MYPN: variants seen among roughly 807,000 people sequenced by gnomAD.
The protein encoded by MYPN is sarcomeric protein myopalladin, 145 kDa (MYOP).
MYPN carries 63 observed loss-of-function variants against 129.4 expected under a neutral mutation model. The observed-to-expected ratio is 0.49, with a 90% CI of 0.40 to 0.60. The LOEUF (loss-of-function observed/expected upper bound fraction) is 0.60. MYPN is among the 20% of genes least tolerant of loss of function. The pLI, the probability that MYPN is intolerant of heterozygous loss-of-function variation, is 0.00. For synonymous variants in MYPN, 629 were observed against 600.9 expected, an observed-to-expected ratio of 1.05 and a Z score of -0.68; for missense variants, 1,596 against 1,635.4, an observed-to-expected ratio of 0.98 and a Z score of 0.42.
At chr10:68,130,810 A>G in intron 2 of MYPN, among the ~76,000 whole-genome samples, 1 of 152,132 alleles carries the variant, frequency 6.6e-6, no homozygotes, top group Middle Eastern at 3.2e-3. Flanking sequence ...TTTTGTGTAT[A>G]ATGTAAAGCC....
At chr10:68,208,330 G>T (rs1039234198) in intron 19 of MYPN, among the ~76,000 whole-genome samples, 1 of 152,044 alleles carries the variant, frequency 6.6e-6, no homozygotes, top group African/African-American at 2.4e-5. Flanking sequence ...CATACAGGAG[G>T]GGCTTCAGCC....
intron 5 of MYPN, 140 bp from the exon 6 acceptor site, chr10:68,149,899 CT>C (rs1189623718): frequency 1.3e-6 from 1 of 755,682 alleles, no homozygotes; most frequent in Non-Finnish European, 2.3e-6. Flanking sequence ...AATTTGAAGT[CT>C]GTGATTCATA....
chr10:68,110,253 TTC>T (rs140449918), intron 1 of MYPN, among the ~76,000 whole-genome samples: 25 of 147,608 alleles, frequency 1.7e-4, no homozygotes, highest in Middle Eastern at 3.6e-3. Context: ...TCTTTCTCCT[TTC>T]TCTCTCTCTC....
intron 2 of MYPN, among the ~76,000 whole-genome samples, chr10:68,137,052 G>A (rs944423500): frequency 6.6e-6 from 1 of 151,942 alleles, no homozygotes; most frequent in Non-Finnish European, 1.5e-5. Context: ...AATCATATTA[G>A]AATTTAAAAC....
intron 16 of MYPN, 128 bp downstream of exon 16, chr10:68,197,606 A>G: frequency 8.5e-7 from 1 of 1,180,356 alleles, no homozygotes; most frequent in Non-Finnish European, 1.2e-6. Context: ...AGGGAGACAG[A>G]TCACTTTTTT....
At chr10:68,119,955 G>C (rs2042218777) in intron 1 of MYPN, among the ~76,000 whole-genome samples, 1 of 152,194 alleles carries the variant, frequency 6.6e-6, no homozygotes, top group Non-Finnish European at 1.5e-5. Flanking sequence ...AGCCTTTCGT[G>C]TGATATAAGT....
chr10:68,087,899 C>G (rs117524340), exon 1 of MYPN, among the ~76,000 whole-genome samples: 69 of 152,296 alleles, frequency 4.5e-4, no homozygotes, highest in Middle Eastern at 3.4e-3. Context: ...ACCACGGCAG[C>G]CTTTCCTGCC....
At chr10:68,178,230 G>A (rs4745948) in intron 12 of MYPN, among the ~76,000 whole-genome samples, 63,086 of 151,922 alleles carry the variant, frequency 0.42, 13,820 homozygotes, top group Non-Finnish European at 0.49. Flanking sequence ...AAAATTTTTA[G>A]CTTTCTAAAC....
intron 2 of MYPN, among the ~76,000 whole-genome samples, chr10:68,124,392 CTG>C (rs1391916780): frequency 6.6e-6 from 1 of 152,142 alleles, no homozygotes; most frequent in Non-Finnish European, 1.5e-5. Flanking sequence ...CATTTATTCT[CTG>C]TATGTAAATA....
chr10:68,184,972 T>C (rs1272525470), intron 12 of MYPN, among the ~76,000 whole-genome samples: 2 of 152,158 alleles, frequency 1.3e-5, no homozygotes, highest in Non-Finnish European at 2.9e-5. Flanking sequence ...CCATTCCTGT[T>C]AACCATTTAA....
intron 4 of MYPN, among the ~76,000 whole-genome samples, chr10:68,147,922 T>A (rs561220581): frequency 6.6e-6 from 1 of 152,288 alleles, no homozygotes; most frequent in East Asian, 1.9e-4. Context: ...GAGGTTAAGT[T>A]TTATATATGA....
chr10:68,126,355 A>T (rs547786099), intron 2 of MYPN, among the ~76,000 whole-genome samples: 1 of 152,204 alleles, frequency 6.6e-6, no homozygotes, highest in South Asian at 2.1e-4. Context: ...AGAACCTTGA[A>T]AGCAAAGCAG....
rs1300690085 is a variant in MYPN at position 68,188,052 on chromosome 10, G to GT, written c.2704-853_2704-852insT. On this transcript the variant is annotated intron_variant, in intron 12 of 19. Coordinates refer to ENST00000358913, the MANE Select transcript of MYPN (RefSeq NM_032578.4). ...GGATTATTTCACATGGTTTTGTTGT[G>GT]AGGGGGGCAGAGAGATGCAGTGAAA... Among the ~76,000 whole-genome samples, 142 of 145,402 alleles carry GT rather than the reference G, an allele frequency of 9.8e-4. 1 individual carries two copies. The highest frequency in any genetic ancestry group is 3.6e-3 in the Middle Eastern group (1 of 278).
At chr10:68,109,322 G>A (rs1318672854), upstream of MYPN, 2 of 291,322 alleles carry the variant, frequency 6.9e-6, no homozygotes, top group Non-Finnish European at 1.4e-5. Flanking sequence ...AATAACATGG[G>A]CCTCTAGCTA....
chr10:68,189,137 T>G lies in MYPN; in HGVS notation c.2925+11T>G, dbSNP rs2043470121. 6.2e-7 allele frequency: 1 copy of G among 1,608,890 alleles called. No individual in the cohort carries two copies. The highest frequency in any genetic ancestry group is 8.5e-7 in the Non-Finnish European group (1 of 1,175,454). On this transcript the variant is annotated intron_variant, in intron 13 of 19. Transcript: ENST00000358913. ...ATACCTGTTCCAAAGGTAGGGAAGA[T>G]GACAAGCCAGTTGGCCACCTCACAG...
chr10:68,123,335 C>T (rs1311389501), intron 2 of MYPN, among the ~76,000 whole-genome samples: 1 of 151,986 alleles, frequency 6.6e-6, no homozygotes, highest in Non-Finnish European at 1.5e-5. Flanking sequence ...GCCGAGATCG[C>T]ACCACTGCAC....
At chr10:68,182,415 A>ATATATAAC (rs1564687048) in intron 12 of MYPN, among the ~76,000 whole-genome samples, 1 of 58,140 alleles carries the variant, frequency 1.7e-5, no homozygotes, top group African/African-American at 3.6e-5. Flanking sequence ...ACATATATAT[A>ATATATAAC]ACATATATAT....
In MYPN at chr10:68,188,910, C is replaced by T. The variant is rs772657844; in HGVS notation, c.2709C>T (p.Tyr903=). The change falls in exon 13 of 20, where the codon TAC becomes TAT. Residue 903 remains tyrosine (Y), a synonymous_variant. Coordinates refer to ENST00000358913, the MANE Select transcript of MYPN (RefSeq NM_032578.4). Reference sequence around the variant, plus strand: ...CACGTTTGTCATTTTGACAGGAGTACAAAATTTCAAGCTTTGAGCAGAGGC... The same window carrying T: ...CACGTTTGTCATTTTGACAGGAGTATAAAATTTCAAGCTTTGAGCAGAGGC... ...FSDVRPNQQE[Y]KISSFEQRLM... The T allele has an allele frequency of 9.3e-6, 15 of 1,613,578 alleles. No individual in the cohort carries two copies. The Admixed American group carries it at 1.5e-4, about 16-fold the overall frequency.
At chr10:68,183,485 A>C (rs543875377) in intron 12 of MYPN, among the ~76,000 whole-genome samples, 177 of 152,102 alleles carry the variant, frequency 1.2e-3, no homozygotes, top group Middle Eastern at 3.4e-3. Context: ...ATTTGGAAAA[A>C]AAAATAGTTC....
Sources: gnomAD v4.1 joint callset for allele counts (sites outside exome capture counted in the v4.1 genomes callset) on GRCh38, gnomAD v4.1.1 for gene constraint, MANE v1.5 for transcripts, NCBI Gene and HGNC (gene_info 2026-07-23, HGNC 2026-07-21) for gene names.